Variants in DRC8 observed in about 807,000 individuals in gnomAD.
DRC8 encodes the protein dynein regulatory complex subunit 8.
the DRC8 span, among the ~76,000 whole-genome samples, chr1:245,033,428 A>T: frequency 6.6e-6 from 1 of 152,214 alleles, no homozygotes; most frequent in Admixed American, 6.5e-5. Context: ...TGGATGAAAT[A>T]CCTTCTCCCA....
At chr1:245,019,033 C>G in the DRC8 span, among the ~76,000 whole-genome samples, 2 of 152,162 alleles carry the variant, frequency 1.3e-5, no homozygotes, top group East Asian at 3.9e-4. Flanking sequence ...AAAAGAAAAT[C>G]TCCCGATCAC....
the DRC8 span, chr1:245,087,184 G>T: frequency 6.3e-7 from 1 of 1,575,784 alleles, no homozygotes; most frequent in South Asian, 1.2e-5. Context: ...AAGCTGGCTA[G>T]TGGAAAGAGA....
At chr1:244,991,500 G>T in the DRC8 span, among the ~76,000 whole-genome samples, 1 of 152,126 alleles carries the variant, frequency 6.6e-6, no homozygotes, top group Non-Finnish European at 1.5e-5. Context: ...GAATGAGTCA[G>T]AATTTTTGGC....
chr1:245,016,899 A>G, the DRC8 span, among the ~76,000 whole-genome samples: 1 of 152,214 alleles, frequency 6.6e-6, no homozygotes. Context: ...CTCTACCCAA[A>G]GGACTTGAGA....
the DRC8 span, among the ~76,000 whole-genome samples, chr1:244,972,612 A>G: frequency 1.4e-4 from 21 of 152,178 alleles, no homozygotes; most frequent in African/African-American, 4.3e-4. Context: ...CGAGGTCAAG[A>G]GATCGAGACC....
At chr1:244,979,252 A>C in the DRC8 span, among the ~76,000 whole-genome samples, 3 of 146,880 alleles carry the variant, frequency 2.0e-5, no homozygotes, top group African/African-American at 7.5e-5. Flanking sequence ...CTGAATGTTG[A>C]ATCAAAGTTG....
chr1:244,990,725 T>A, the DRC8 span, among the ~76,000 whole-genome samples: 2 of 152,038 alleles, frequency 1.3e-5, no homozygotes, highest in South Asian at 4.2e-4. Context: ...AACCTCCGCC[T>A]CCCAGGCTCA....
the DRC8 span, among the ~76,000 whole-genome samples, chr1:245,062,083 G>A: frequency 1.1e-4 from 17 of 152,290 alleles, no homozygotes; most frequent in South Asian, 3.1e-3. Context: ...TCCAGCCTGC[G>A]TGACAGAGCA....
the DRC8 span, among the ~76,000 whole-genome samples, chr1:245,106,417 C>T: frequency 2.6e-5 from 4 of 151,924 alleles, no homozygotes; most frequent in Non-Finnish European, 4.4e-5. Context: ...TAACAGTACA[C>T]CATGAATTCC....
the DRC8 span, among the ~76,000 whole-genome samples, chr1:245,008,059 C>T: frequency 6.6e-6 from 1 of 152,112 alleles, no homozygotes; most frequent in Non-Finnish European, 1.5e-5. Context: ...GCCTGTAGTT[C>T]CAGCTACTCA....
At chr1:245,014,288 A>C in the DRC8 span, among the ~76,000 whole-genome samples, 1 of 152,144 alleles carries the variant, frequency 6.6e-6, no homozygotes, top group Admixed American at 6.5e-5. Context: ...GGTCATGCAA[A>C]TTGTAAAGAA....
the DRC8 span, among the ~76,000 whole-genome samples, chr1:245,070,553 T>C: frequency 8.5e-5 from 13 of 152,238 alleles, no homozygotes; most frequent in Admixed American, 8.5e-4. Context: ...TTGTTTTTAT[T>C]GAAGGAGGTT....
chr1:245,018,401 C>T, the DRC8 span, among the ~76,000 whole-genome samples: 1 of 152,050 alleles, frequency 6.6e-6, no homozygotes, highest in Non-Finnish European at 1.5e-5. Context: ...GCTTATAAAC[C>T]AGTGCCATCA....
chr1:245,088,728 G>A, the DRC8 span, among the ~76,000 whole-genome samples: 2 of 152,218 alleles, frequency 1.3e-5, no homozygotes, highest in African/African-American at 4.8e-5. The surrounding 1 kb of genome is among the most constrained non-coding windows in gnomAD (Gnocchi z 4.6). Context: ...AGGCTTCCCA[G>A]GACAGGAAGC....
the DRC8 span, chr1:245,075,570 GCAGGAGGAGAAGC>G: frequency 6.6e-6 from 1 of 152,188 alleles, no homozygotes; most frequent in Non-Finnish European, 1.5e-5. Context: ...TTAATTCTTT[GCAGGAGGAGAAGC>G]CAGGCGTATC....
chr1:245,047,066 C>T, the DRC8 span, among the ~76,000 whole-genome samples: 3 of 152,280 alleles, frequency 2.0e-5, no homozygotes, highest in Admixed American at 1.3e-4. Context: ...GGGAGCCACT[C>T]GCAGTGCTGC....
the DRC8 span, among the ~76,000 whole-genome samples, chr1:245,095,871 A>G: frequency 6.6e-6 from 1 of 152,336 alleles, no homozygotes; most frequent in South Asian, 2.1e-4. Context: ...GTCTTTTGCT[A>G]ATGTGTTTTC....
chr1:244,996,025 T>G, the DRC8 span, among the ~76,000 whole-genome samples: 1 of 152,224 alleles, frequency 6.6e-6, no homozygotes, highest in Non-Finnish European at 1.5e-5. Flanking sequence ...CCCCCAAAAC[T>G]TAGTGGCTTA....
the DRC8 span, chr1:244,969,835 C>A: frequency 2.5e-6 from 1 of 397,352 alleles, no homozygotes; most frequent in Non-Finnish European, 4.5e-6. Context: ...AGGGCAGGCG[C>A]GGCCGTTCTG....
Sources: gnomAD v4.1 joint callset for allele counts (sites outside exome capture counted in the v4.1 genomes callset) on GRCh38, gnomAD v4.1.1 for gene constraint, Gnocchi (gnomAD v3.1) non-coding constraint, MANE v1.5 for transcripts, NCBI Gene and HGNC (gene_info 2026-07-23, HGNC 2026-07-21) for gene names.